Variants in ADAMTSL1 observed in about 807,000 individuals in gnomAD.
The protein encoded by ADAMTSL1 is ADAMTS-like protein 1.
ADAMTSL1 carries 126 observed loss-of-function variants against 201.8 expected under a neutral mutation model. The ratio of observed to expected loss-of-function variants is 0.62; its 90% CI spans 0.54 to 0.72. ADAMTSL1 has a LOEUF of 0.72. ADAMTSL1 is among the 30% of genes least tolerant of loss of function. The pLI is 0.00. For synonymous variants in ADAMTSL1, 1,121 were observed against 903.4 expected, an observed-to-expected ratio of 1.24 and a Z score of -4.32; for missense variants, 2,679 against 2,277.8, an observed-to-expected ratio of 1.18 and a Z score of -3.59.
chr9:18,531,313 T>G (rs1587477165), intron 2 of ADAMTSL1, among the ~76,000 whole-genome samples: 1 of 152,210 alleles, frequency 6.6e-6, no homozygotes, highest in Non-Finnish European at 1.5e-5. Flanking sequence ...GGTACTTGGA[T>G]GAGCTGAATA....
chr9:18,287,303 G>T (rs138932189), intron 2 of ADAMTSL1, among the ~76,000 whole-genome samples: 5 of 151,558 alleles, frequency 3.3e-5, no homozygotes, highest in Admixed American at 6.6e-5. Flanking sequence ...AAGTACATAC[G>T]TATATACATA....
intron 7 of ADAMTSL1, among the ~76,000 whole-genome samples, chr9:18,649,355 G>A (rs10963703): frequency 0.39 from 58,667 of 149,628 alleles, 11,760 homozygotes; most frequent in East Asian, 0.65. Flanking sequence ...AGCTCGGAGT[G>A]GTTTGATCGT....
intron 2 of ADAMTSL1, among the ~76,000 whole-genome samples, chr9:18,302,730 T>C (rs1222043803): frequency 6.6e-6 from 1 of 152,240 alleles, no homozygotes; most frequent in Non-Finnish European, 1.5e-5. Flanking sequence ...TTATGTTTCT[T>C]ACTAATGCTT....
intron 2 of ADAMTSL1, among the ~76,000 whole-genome samples, chr9:18,257,581 G>C (rs1390843651): frequency 6.6e-6 from 1 of 152,144 alleles, no homozygotes; most frequent in Non-Finnish European, 1.5e-5. Flanking sequence ...ATTGCTGTTG[G>C]GAGTGTAAAA....
chr9:18,852,122 G>A (rs1027184647), intron 23 of ADAMTSL1, among the ~76,000 whole-genome samples: 2 of 152,090 alleles, frequency 1.3e-5, no homozygotes, highest in African/African-American at 4.8e-5. Flanking sequence ...CTCTCTACTG[G>A]GGTCCTTTAC....
At chr9:18,386,295 T>C (rs780032443) in intron 2 of ADAMTSL1, among the ~76,000 whole-genome samples, 1 of 152,202 alleles carries the variant, frequency 6.6e-6, no homozygotes, top group Non-Finnish European at 1.5e-5. Context: ...TGCTGAGTGT[T>C]GAACCTTCGA....
At chr9:18,220,828 G>A (rs901849435) in intron 2 of ADAMTSL1, among the ~76,000 whole-genome samples, 3 of 151,432 alleles carry the variant, frequency 2.0e-5, no homozygotes, top group Non-Finnish European at 4.4e-5. Flanking sequence ...AGGCTAGAGT[G>A]CAGTGGCATG....
At chr9:18,252,347 C>G (rs987234383) in intron 2 of ADAMTSL1, among the ~76,000 whole-genome samples, 3 of 152,098 alleles carry the variant, frequency 2.0e-5, no homozygotes, top group Non-Finnish European at 2.9e-5. Context: ...AAATGCAAAT[C>G]AAACTCAAAA....
intron 2 of ADAMTSL1, among the ~76,000 whole-genome samples, chr9:18,221,929 C>A (rs1407299882): frequency 2.0e-5 from 3 of 151,936 alleles, no homozygotes; most frequent in Admixed American, 6.6e-5. Flanking sequence ...TAATGATTTT[C>A]TTCAAGTTTA....
chr9:18,511,806 A>T (rs1818038877), intron 2 of ADAMTSL1, among the ~76,000 whole-genome samples: 1 of 152,194 alleles, frequency 6.6e-6, no homozygotes, highest in South Asian at 2.1e-4. Flanking sequence ...TACCAAAAGA[A>T]AATTTTCAAT....
chr9:18,138,899 G>A (rs1564021830), intron 1 of ADAMTSL1, among the ~76,000 whole-genome samples: 1 of 152,130 alleles, frequency 6.6e-6, no homozygotes, highest in Non-Finnish European at 1.5e-5. Flanking sequence ...GCCCTCATGA[G>A]TTTAAAGAGT....
intron 1 of ADAMTSL1, among the ~76,000 whole-genome samples, chr9:17,967,481 G>A (rs972833103): frequency 6.6e-6 from 1 of 152,096 alleles, no homozygotes; most frequent in Non-Finnish European, 1.5e-5. Context: ...AGCAGCTACT[G>A]TGAGTCAAGC....
intron 1 of ADAMTSL1, among the ~76,000 whole-genome samples, chr9:17,920,598 C>T (rs13301593): frequency 0.098 from 14,956 of 152,156 alleles, 794 homozygotes; most frequent in South Asian, 0.19. Context: ...TCTCATGTTG[C>T]TATTGAGGAA....
chr9:18,286,067 G>A (rs954062605), intron 2 of ADAMTSL1, among the ~76,000 whole-genome samples: 4 of 151,910 alleles, frequency 2.6e-5, no homozygotes, highest in African/African-American at 9.7e-5. Flanking sequence ...ATTTACACCT[G>A]TATTTGTTTT....
chr9:18,565,569 A>G (rs1587583362), intron 3 of ADAMTSL1, among the ~76,000 whole-genome samples: 1 of 68,126 alleles, frequency 1.5e-5, no homozygotes, highest in Non-Finnish European at 3.0e-5. Context: ...CCTAGTTATG[A>G]AAAAAAAAAA....
At chr9:18,196,376 C>T (rs141717832) in intron 2 of ADAMTSL1, among the ~76,000 whole-genome samples, 61 of 152,098 alleles carry the variant, frequency 4.0e-4, no homozygotes, top group African/African-American at 1.3e-3. Context: ...AGTTGTAGTT[C>T]TGGAAAACTT....
Position 18,675,142 on chromosome 9 carries a change from A to G in ADAMTSL1, c.1086-715A>G, listed in dbSNP as rs1372838540. The stretch of plus-strand genomic sequence containing the variant: ...GTACTAACAAGCCATGACAATCACA[A>G]CCATCACTGCAATAGCAGTTAACAC... On this transcript the variant is annotated intron_variant, in intron 9 of 28. Transcript: ENST00000380548. Among the ~76,000 whole-genome samples the G allele has an allele frequency of 2.0e-4, 30 of 152,180 alleles. 2 individuals carry two copies. Among genetic ancestry groups the G allele is most frequent in the Admixed American group, 2.0e-3 (30 of 15,286 alleles).
At chr9:18,315,027 A>G in intron 2 of ADAMTSL1, among the ~76,000 whole-genome samples, 1 of 151,030 alleles carries the variant, frequency 6.6e-6, no homozygotes, top group South Asian at 2.1e-4. Context: ...CGATCTCCTG[A>G]CCTCGTGATC....
intron 23 of ADAMTSL1, among the ~76,000 whole-genome samples, chr9:18,853,466 G>T (rs974183996): frequency 6.6e-6 from 1 of 152,116 alleles, no homozygotes; most frequent in South Asian, 2.1e-4. Flanking sequence ...TCCACTTCTG[G>T]GTGGGGCCAC....
Sources: allele counts gnomAD v4.1 joint callset (sites outside exome capture counted in the v4.1 genomes callset), GRCh38; gene constraint gnomAD v4.1.1; transcripts MANE v1.5; gene names NCBI Gene and HGNC (gene_info 2026-07-23, HGNC 2026-07-21).